SLC44A5: variants seen among roughly 807,000 people sequenced by gnomAD.
SLC44A5 encodes solute carrier family 44 member 5.
A neutral mutation model predicts 101.8 loss-of-function variants in SLC44A5; 57 were observed. The observed-to-expected ratio is 0.56, with a 90% CI of 0.45 to 0.70. SLC44A5 has a LOEUF of 0.70. SLC44A5 is among the 30% of genes least tolerant of loss of function. The probability of loss-of-function intolerance (pLI) is 0.00; values close to 1 mark genes in which losing one functional copy is unlikely to be tolerated. For synonymous variants in SLC44A5, 281 were observed against 290.9 expected, an observed-to-expected ratio of 0.97 and a Z score of 0.35; for missense variants, 737 against 853.1, an observed-to-expected ratio of 0.86 and a Z score of 1.70.
chr1:75,474,404 A>G (rs1667274805), intron 2 of SLC44A5, among the ~76,000 whole-genome samples: 1 of 152,224 alleles, frequency 6.6e-6, no homozygotes, highest in Non-Finnish European at 1.5e-5. Context: ...TTCATTCACG[A>G]GAACACTACT....
intron 1 of SLC44A5, among the ~76,000 whole-genome samples, chr1:75,575,220 T>C (rs976106115): frequency 5.9e-5 from 9 of 152,238 alleles, no homozygotes; most frequent in African/African-American, 2.2e-4. Flanking sequence ...CTCAACTGAT[T>C]ATATTGTTTC....
At chr1:75,438,907 A>C (rs920420076) in intron 2 of SLC44A5, among the ~76,000 whole-genome samples, 31 of 152,304 alleles carry the variant, frequency 2.0e-4, no homozygotes, top group Middle Eastern at 3.4e-3. Flanking sequence ...AAATAAAGTC[A>C]AAGTCTTTTA....
intron 3 of SLC44A5, among the ~76,000 whole-genome samples, chr1:75,348,874 T>C (rs1006120242): frequency 3.9e-5 from 6 of 152,152 alleles, no homozygotes; most frequent in Non-Finnish European, 4.4e-5. Flanking sequence ...ACCTAGTAGA[T>C]TTGAAAATGA....
the SLC44A5 span, among the ~76,000 whole-genome samples, chr1:75,617,464 T>C: frequency 6.6e-6 from 1 of 152,166 alleles, no homozygotes; most frequent in African/African-American, 2.4e-5. Context: ...TGCTCTTCTG[T>C]TTTCTGATAT....
chr1:75,621,076 A>C, the SLC44A5 span, among the ~76,000 whole-genome samples: 2 of 152,086 alleles, frequency 1.3e-5, no homozygotes, highest in Non-Finnish European at 2.9e-5. Flanking sequence ...GCTATTCTTG[A>C]AGCCATCAAT....
intron 2 of SLC44A5, among the ~76,000 whole-genome samples, chr1:75,488,638 G>T (rs1448835648): frequency 6.6e-6 from 1 of 152,068 alleles, no homozygotes; most frequent in Non-Finnish European, 1.5e-5. Context: ...ACTCAATTGT[G>T]CATTAATGTG....
chr1:75,659,312 G>A, the SLC44A5 span, among the ~76,000 whole-genome samples: 1 of 134,242 alleles, frequency 7.4e-6, no homozygotes, highest in African/African-American at 2.8e-5. Flanking sequence ...AAAAAAGAGA[G>A]AGAAAGAGAG....
At chr1:75,362,644 C>T (rs1200180736) in intron 3 of SLC44A5, among the ~76,000 whole-genome samples, 2 of 151,804 alleles carry the variant, frequency 1.3e-5, no homozygotes, top group Non-Finnish European at 2.9e-5. Flanking sequence ...TAGTTTTGTA[C>T]CACTGTGAAC....
chr1:75,700,935 C>G, the SLC44A5 span, among the ~76,000 whole-genome samples: 2 of 152,162 alleles, frequency 1.3e-5, no homozygotes, highest in African/African-American at 4.8e-5. Context: ...TGGAGACATA[C>G]AGCCTCCCAA....
chr1:75,341,545 G>T (rs1374384371), intron 3 of SLC44A5, among the ~76,000 whole-genome samples: 2 of 151,646 alleles, frequency 1.3e-5, no homozygotes, highest in Non-Finnish European at 1.5e-5. Context: ...GAAGGAACGA[G>T]AGAGAAGAAG....
chr1:75,419,717 T>C (rs1663885692), intron 2 of SLC44A5, among the ~76,000 whole-genome samples: 1 of 152,138 alleles, frequency 6.6e-6, no homozygotes, highest in Admixed American at 6.6e-5. Flanking sequence ...AAATACAATT[T>C]TGTCAGTTTT....
At chr1:75,406,422 C>T (rs1255058163) in intron 2 of SLC44A5, among the ~76,000 whole-genome samples, 1 of 152,052 alleles carries the variant, frequency 6.6e-6, no homozygotes, top group Non-Finnish European at 1.5e-5. Context: ...AAGAAAATTT[C>T]AGGCCAGTAT....
chr1:75,383,985 A>C (rs558982039), intron 3 of SLC44A5, among the ~76,000 whole-genome samples: 135 of 151,794 alleles, frequency 8.9e-4, no homozygotes, highest in Admixed American at 1.3e-3. Flanking sequence ...GAAATAAAAT[A>C]CTTTACAGAC....
chr1:75,642,102 GA>G, the SLC44A5 span: 1 of 1,159,772 alleles, frequency 8.6e-7, no homozygotes, highest in Non-Finnish European at 1.2e-6. Flanking sequence ...TATTTTATTT[GA>G]TGTAGATATA....
At chr1:75,702,400 A>C in the SLC44A5 span, among the ~76,000 whole-genome samples, 4,841 of 152,220 alleles carry the variant, frequency 0.032, 261 homozygotes, top group African/African-American at 0.11. Context: ...TAAAAACAAG[A>C]AATGGGGAAA....
chr1:75,600,092 A>G (rs1308606758), intron 1 of SLC44A5, among the ~76,000 whole-genome samples: 2 of 152,146 alleles, frequency 1.3e-5, no homozygotes, highest in African/African-American at 4.8e-5. Context: ...CCATATTAGA[A>G]ATGATAACAC....
chr1:75,586,703 C>T (rs1468921864), intron 1 of SLC44A5, among the ~76,000 whole-genome samples: 1 of 151,908 alleles, frequency 6.6e-6, no homozygotes, highest in African/African-American at 2.4e-5. Context: ...CACTTAACAG[C>T]CTTGAATTGA....
intron 2 of SLC44A5, among the ~76,000 whole-genome samples, chr1:75,423,131 T>C (rs954609054): frequency 6.6e-6 from 1 of 152,200 alleles, no homozygotes. Flanking sequence ...CAGTGTTATT[T>C]TGGTTGCCTG....
intron 1 of SLC44A5, among the ~76,000 whole-genome samples, chr1:75,602,507 ACAG>A (rs1163933609): frequency 2.0e-5 from 3 of 152,104 alleles, no homozygotes; most frequent in African/African-American, 7.2e-5. Context: ...CATACCTCAT[ACAG>A]TTAAGATATC....
Sources: gnomAD v4.1 joint callset for allele counts (sites outside exome capture counted in the v4.1 genomes callset) on GRCh38, gnomAD v4.1.1 for gene constraint, MANE v1.5 for transcripts, NCBI Gene and HGNC (gene_info 2026-07-23, HGNC 2026-07-21) for gene names.